WDPCP: variants seen among roughly 807,000 people sequenced by gnomAD.
WDPCP encodes WD repeat-containing and planar cell polarity effector protein fritz homolog.
A neutral mutation model predicts 93.1 loss-of-function variants in WDPCP; 71 were observed. That is an observed-to-expected ratio of 0.76 (90% confidence interval 0.63 to 0.93). The LOEUF (loss-of-function observed/expected upper bound fraction) is 0.93, where lower values mean the gene tolerates loss of function less well. Ranked by LOEUF, WDPCP falls within the 40% of genes least tolerant of loss-of-function variation. The pLI is 0.00. For missense variants in WDPCP, 844 were observed against 887.4 expected (o/e 0.95, Z 0.62); for synonymous variants, 315 against 315.0 (o/e 1.00, Z 0.00).
At chr2:63,528,241 T>C (rs545192112) in intron 1 of WDPCP, among the ~76,000 whole-genome samples, 198 of 152,370 alleles carry the variant, frequency 1.3e-3, no homozygotes, top group Admixed American at 2.4e-3. Context: ...TTTGTCAATT[T>C]TGGCTTTTGT....
intron 14 of WDPCP, among the ~76,000 whole-genome samples, chr2:63,213,674 T>A (rs1372920684): frequency 6.6e-6 from 1 of 152,054 alleles, no homozygotes; most frequent in African/African-American, 2.4e-5. Context: ...AAAAAATCAA[T>A]GAATCCAGGA....
intron 2 of WDPCP, among the ~76,000 whole-genome samples, chr2:63,706,114 T>A (rs1669147364): frequency 6.6e-6 from 1 of 152,206 alleles, no homozygotes; most frequent in Admixed American, 6.5e-5. Flanking sequence ...AGACTAGGAT[T>A]GCAACCCCTG....
At chr2:63,244,838 G>C (rs17027692) in intron 14 of WDPCP, among the ~76,000 whole-genome samples, 5,604 of 152,090 alleles carry the variant, frequency 0.037, 365 homozygotes, top group African/African-American at 0.13. Context: ...GATGGGTGTC[G>C]GTCAGTTATC....
intron 4 of WDPCP, among the ~76,000 whole-genome samples, chr2:63,486,210 CAT>C (rs1213834963): frequency 3.3e-5 from 5 of 151,688 alleles, no homozygotes; most frequent in African/African-American, 9.7e-5. Flanking sequence ...ATGGGTAAGA[CAT>C]GTTAACAATT....
chr2:63,584,427 T>C (rs1411299802), intron 1 of WDPCP, among the ~76,000 whole-genome samples: 4 of 152,178 alleles, frequency 2.6e-5, no homozygotes, highest in Non-Finnish European at 5.9e-5. Context: ...CTTTTTTCAA[T>C]TAACATTGTA....
intron 2 of WDPCP, among the ~76,000 whole-genome samples, chr2:63,719,165 A>C (rs1669380394): frequency 6.6e-6 from 1 of 152,196 alleles, no homozygotes. Flanking sequence ...AACTAGCAAG[A>C]GTGGCATGAC....
rs141845729 is a variant in WDPCP at position 63,378,405 on chromosome 2, A to G, written c.1729T>C (p.Phe577Leu). Residue 577 changes from phenylalanine (F) to leucine (L), a missense_variant, in exon 12 of 18, where the codon TTC becomes CTC. Physicochemically the swap from Phe to Leu is conservative, Grantham distance 22. Coordinates refer to ENST00000272321, the MANE Select transcript of WDPCP (RefSeq NM_015910.7). ...RDQISKYARRFFHHLLRYQRF... is the reference protein window; with the variant it reads ...RDQISKYARRLFHHLLRYQRF... ...ATTCACCTGAGCAAGTGATGGAAGA[A>G]TCTCCTTGCATATTTGCTGATTTGA... 5.6e-6 allele frequency: 9 copies of G among 1,613,016 alleles called. No individual in the cohort carries two copies. Among genetic ancestry groups the G allele is most frequent in the Non-Finnish European group, 7.6e-6 (9 of 1,179,386 alleles).
At chr2:63,603,745 C>T (rs1339275591) in intron 3 of WDPCP, among the ~76,000 whole-genome samples, 2 of 151,432 alleles carry the variant, frequency 1.3e-5, no homozygotes, top group African/African-American at 4.9e-5. Flanking sequence ...GCAACCTCCG[C>T]CTCCCAGGTT....
intron 13 of WDPCP, among the ~76,000 whole-genome samples, chr2:63,295,541 A>T (rs895788512): frequency 7.9e-5 from 4 of 50,336 alleles, no homozygotes; most frequent in African/African-American, 6.4e-4. Context: ...TACAAGAGAT[A>T]AAAAAAAGAA....
intron 12 of WDPCP, among the ~76,000 whole-genome samples, chr2:63,322,218 C>T (rs1361212812): frequency 6.6e-6 from 1 of 152,212 alleles, no homozygotes; most frequent in Non-Finnish European, 1.5e-5. Flanking sequence ...AGTCATCACT[C>T]TGTCAAAATG....
At chr2:63,467,542 G>C (rs904728713) in intron 6 of WDPCP, among the ~76,000 whole-genome samples, 3 of 151,830 alleles carry the variant, frequency 2.0e-5, no homozygotes, top group Non-Finnish European at 1.5e-5. Context: ...ACTTTGGGAG[G>C]CCAAGGCAGG....
At chr2:63,752,545 C>T (rs766091655) in intron 2 of WDPCP, 9 of 683,864 alleles carry the variant, frequency 1.3e-5, no homozygotes, top group Non-Finnish European at 2.4e-5. Flanking sequence ...CAGAATGGCT[C>T]CTCAGCCTCT....
At chr2:63,278,963 C>T (rs1438922348) in intron 13 of WDPCP, among the ~76,000 whole-genome samples, 1 of 152,042 alleles carries the variant, frequency 6.6e-6, no homozygotes, top group Non-Finnish European at 1.5e-5. Flanking sequence ...TCTGAACAGA[C>T]CAATAACAAG....
intron 1 of WDPCP, among the ~76,000 whole-genome samples, chr2:63,538,152 CT>C (rs1209298258): frequency 1.3e-5 from 2 of 151,880 alleles, no homozygotes; most frequent in Non-Finnish European, 2.9e-5. Context: ...AGAAAGAGAT[CT>C]CAAGAGTAAC....
At chr2:63,473,752 TAA>T (rs1261722010) in intron 6 of WDPCP, among the ~76,000 whole-genome samples, 24 of 152,202 alleles carry the variant, frequency 1.6e-4, no homozygotes. Context: ...AGTGAAGTTA[TAA>T]GAGGAAATGA....
chr2:63,610,705 A>G (rs1299484878), intron 3 of WDPCP, among the ~76,000 whole-genome samples: 1 of 152,208 alleles, frequency 6.6e-6, no homozygotes, highest in African/African-American at 2.4e-5. Flanking sequence ...ATGTAAATAT[A>G]TGTGTGTGCA....
At chr2:63,286,059 G>A (rs1683977058) in intron 13 of WDPCP, among the ~76,000 whole-genome samples, 3 of 151,436 alleles carry the variant, frequency 2.0e-5, no homozygotes, top group African/African-American at 7.3e-5. Context: ...CCAAGCTGAG[G>A]GGCAGTGACA....
chr2:63,227,908 T>TAAC (rs1360846281), intron 14 of WDPCP, among the ~76,000 whole-genome samples: 2 of 152,046 alleles, frequency 1.3e-5, no homozygotes, highest in Non-Finnish European at 2.9e-5. Flanking sequence ...AGTATAAATC[T>TAAC]AACAGGGAAC....
intron 10 of WDPCP, among the ~76,000 whole-genome samples, chr2:63,399,931 T>C (rs1694016887): frequency 6.6e-6 from 1 of 152,216 alleles, no homozygotes. Flanking sequence ...ACTAGATTTA[T>C]TTCATGTATT....
Sources: allele counts gnomAD v4.1 joint callset (sites outside exome capture counted in the v4.1 genomes callset), GRCh38; gene constraint gnomAD v4.1.1; transcripts MANE v1.5; gene names NCBI Gene and HGNC (gene_info 2026-07-23, HGNC 2026-07-21).